CSNK1G3: variants seen among roughly 807,000 people sequenced by gnomAD.
CSNK1G3 encodes the protein casein kinase 1 gamma 3.
Under a neutral mutation model 64.3 loss-of-function variants are expected in CSNK1G3, and 23 were observed. The ratio of observed to expected loss-of-function variants is 0.36; its 90% CI spans 0.26 to 0.51. The LOEUF (loss-of-function observed/expected upper bound fraction) is 0.51, where lower values mean the gene tolerates loss of function less well. CSNK1G3 is among the 20% of genes least tolerant of loss of function. CSNK1G3 has a pLI of 0.96. For missense variants in CSNK1G3, 357 were observed against 510.5 expected, an observed-to-expected ratio of 0.70 and a Z score of 2.90; for synonymous variants, 158 against 162.2, an observed-to-expected ratio of 0.97 and a Z score of 0.20.
chr5:123,513,205 C>G (rs575748830), intron 1 of CSNK1G3, among the ~76,000 whole-genome samples: 1 of 152,162 alleles, frequency 6.6e-6, no homozygotes, highest in Admixed American at 6.5e-5. Flanking sequence ...GATGGTTACT[C>G]TCATGGTGCC....
intron 1 of CSNK1G3, among the ~76,000 whole-genome samples, chr5:123,541,483 C>T (rs1031105818): frequency 4.6e-5 from 7 of 152,144 alleles, no homozygotes; most frequent in African/African-American, 1.7e-4. Flanking sequence ...GGCTGGAGTG[C>T]AGTGGCACAA....
chr5:123,568,202 G>T (rs192516669), intron 4 of CSNK1G3, among the ~76,000 whole-genome samples: 9 of 152,292 alleles, frequency 5.9e-5, no homozygotes, highest in Admixed American at 5.9e-4. Context: ...GCATCTCATT[G>T]ATTTGCTGAG....
At chr5:123,539,872 T>C (rs1781412414) in intron 1 of CSNK1G3, among the ~76,000 whole-genome samples, 1 of 152,214 alleles carries the variant, frequency 6.6e-6, no homozygotes, top group Non-Finnish European at 1.5e-5. Context: ...ATCCCTGTGT[T>C]ACATTTTTCA....
At chr5:123,558,088 T>C (rs1784963422) in intron 4 of CSNK1G3, among the ~76,000 whole-genome samples, 1 of 152,156 alleles carries the variant, frequency 6.6e-6, no homozygotes, top group Admixed American at 6.5e-5. Context: ...GGAGAGAACC[T>C]GGAAGAGGCT....
At chr5:123,605,961 C>G (rs1795299601) in intron 12 of CSNK1G3, among the ~76,000 whole-genome samples, 1 of 151,994 alleles carries the variant, frequency 6.6e-6, no homozygotes. Flanking sequence ...TGACATTTGC[C>G]TTTAATTGTA....
exon 13 of CSNK1G3, chr5:123,614,432 A>C (rs753989505): frequency 6.3e-7 from 1 of 1,581,352 alleles, no homozygotes; most frequent in Non-Finnish European, 8.6e-7. Flanking sequence ...AGTTACTTAC[A>C]TGTTCATCTG....
chr5:123,573,507 C>G, exon 5 of CSNK1G3: 1 of 1,613,186 alleles, frequency 6.2e-7, no homozygotes, highest in Non-Finnish European at 8.5e-7. Context: ...AGAACATTTT[C>G]TCTTAAAACA....
exon 9 of CSNK1G3, chr5:123,590,479 TAAG>T: frequency 1.3e-6 from 2 of 1,538,378 alleles, no homozygotes; most frequent in Non-Finnish European, 8.7e-7. Context: ...TATGACTACT[TAAG>T]AAAGCTTTTT....
intron 2 of CSNK1G3, among the ~76,000 whole-genome samples, chr5:123,547,120 C>G (rs1782662217): frequency 6.6e-6 from 1 of 152,076 alleles, no homozygotes; most frequent in Non-Finnish European, 1.5e-5. Flanking sequence ...ACATATTTAT[C>G]ATGTACCAGG....
At chr5:123,543,620 C>T (rs1190059318) in intron 1 of CSNK1G3, among the ~76,000 whole-genome samples, 2 of 152,148 alleles carry the variant, frequency 1.3e-5, no homozygotes, top group Non-Finnish European at 2.9e-5. Context: ...CTGAGCCTCA[C>T]CTCTTTGTGC....
At chr5:123,600,742 CTATATGTTAT>C (rs1368589896) in intron 10 of CSNK1G3, among the ~76,000 whole-genome samples, 4 of 151,726 alleles carry the variant, frequency 2.6e-5, no homozygotes, top group Non-Finnish European at 5.9e-5. Context: ...AATAAAAATA[CTATATGTTAT>C]GTCTGTACTC....
In CSNK1G3 at chr5:123,588,585, A is replaced by G. The variant is rs1211335183; in HGVS notation, c.844+74A>G. The G allele has an allele frequency of 2.3e-5, 22 of 972,854 alleles. 1 individual carries two copies. The Admixed American group carries it at 4.8e-4, about 21-fold the overall frequency. The allele number at this position is 972,854 out of a possible 1,614,324, so 60.3% of individuals were successfully genotyped here. On this transcript the variant is annotated intron_variant, in intron 8 of 12. Coordinates refer to ENST00000345990, the Ensembl canonical transcript of CSNK1G3. The stretch of plus-strand genomic sequence containing the variant: ...GCTAATTTTTATTGCTTAAGTTTAT[A>G]CATATTTTTTTCTATGCTTAAAAAA...
At chr5:123,576,354 A>T (rs1240224152) in intron 6 of CSNK1G3, among the ~76,000 whole-genome samples, 2 of 152,186 alleles carry the variant, frequency 1.3e-5, no homozygotes, top group South Asian at 4.1e-4. Context: ...CTAGCCACAG[A>T]AATAGCAACT....
chr5:123,545,592 A>T, exon 2 of CSNK1G3: 3 of 1,300,038 alleles, frequency 2.3e-6, no homozygotes, highest in South Asian at 1.4e-5. Context: ...TGATGTACCT[A>T]TTTTCACAAT....
chr5:123,529,485 G>C (rs1779584334), intron 1 of CSNK1G3, among the ~76,000 whole-genome samples: 1 of 152,150 alleles, frequency 6.6e-6, no homozygotes, highest in Non-Finnish European at 1.5e-5. Flanking sequence ...GTCCTGATGA[G>C]ATCTTTTTGG....
intron 1 of CSNK1G3, among the ~76,000 whole-genome samples, chr5:123,520,894 C>G (rs1229662020): frequency 6.6e-6 from 1 of 151,924 alleles, no homozygotes; most frequent in African/African-American, 2.4e-5. Context: ...TTTACACCCA[C>G]TGTGTGTCAT....
intron 12 of CSNK1G3, among the ~76,000 whole-genome samples, chr5:123,609,089 A>T (rs1795862333): frequency 6.6e-6 from 1 of 152,148 alleles, no homozygotes; most frequent in East Asian, 1.9e-4. Flanking sequence ...TGGAGGAGTA[A>T]CTCATGCAGG....
intron 1 of CSNK1G3, among the ~76,000 whole-genome samples, chr5:123,528,636 G>A (rs1779442062): frequency 6.6e-6 from 1 of 152,118 alleles, no homozygotes; most frequent in Non-Finnish European, 1.5e-5. Context: ...ATCAAAAGTT[G>A]TCTTTCTTTT....
intron 11 of CSNK1G3, 29 bp from the exon 13 acceptor site, chr5:123,605,310 T>C (rs760454215): frequency 3.2e-6 from 5 of 1,586,220 alleles, no homozygotes; most frequent in African/African-American, 1.4e-5. Flanking sequence ...TTTTTTTCCT[T>C]GTATTTTTTT....
Sources: gnomAD v4.1 joint callset for allele counts (sites outside exome capture counted in the v4.1 genomes callset) on GRCh38, gnomAD v4.1.1 for gene constraint, MANE v1.5 for transcripts, NCBI Gene and HGNC (gene_info 2026-07-23, HGNC 2026-07-21) for gene names.